Variants in MDFIC2 observed in about 807,000 individuals in gnomAD.
The protein encoded by MDFIC2 is MyoD family inhibitor domain containing 2, also known as myoD family inhibitor domain-containing protein 2.
intron 2 of MDFIC2, among the ~76,000 whole-genome samples, chr3:70,224,832 C>A (rs7650154): frequency 0.16 from 24,180 of 151,988 alleles, 3,146 homozygotes; most frequent in African/African-American, 0.37. Flanking sequence ...TTTCCCCCCC[C>A]ACACCTCACC....
chr3:70,246,974 A>C (rs1233697776), intron 2 of MDFIC2, among the ~76,000 whole-genome samples: 1 of 152,072 alleles, frequency 6.6e-6, no homozygotes, highest in African/African-American at 2.4e-5. Context: ...TGAACAATAC[A>C]AGGCTCAGGG....
At chr3:70,275,736 C>A (rs1426018418) in intron 2 of MDFIC2, among the ~76,000 whole-genome samples, 1 of 152,028 alleles carries the variant, frequency 6.6e-6, no homozygotes, top group East Asian at 1.9e-4. Flanking sequence ...TTGTGAAGTA[C>A]AATTAAATAA....
intron 3 of MDFIC2, 136 bp from the exon 4 acceptor site, chr3:70,197,321 T>G (rs556181850): frequency 2.5e-6 from 1 of 396,842 alleles, no homozygotes; most frequent in East Asian, 3.6e-5. Flanking sequence ...ATGTACACCC[T>G]TCTTCTCTCA....
chr3:70,201,010 C>A (rs77929944), intron 3 of MDFIC2, among the ~76,000 whole-genome samples: 2,642 of 151,918 alleles, frequency 0.017, 56 homozygotes, highest in African/African-American at 0.047. Context: ...ATATTTAGAA[C>A]CTTTGTTTTG....
chr3:70,303,129 C>T lies in MDFIC2; in HGVS notation c.88+8757G>A, dbSNP rs144578597. Among the ~76,000 whole-genome samples, 721 of 152,266 alleles carry T rather than the reference C, an allele frequency of 4.7e-3. 3 individuals are homozygous for T. Among genetic ancestry groups the T allele is most frequent in the Middle Eastern group, 0.01 (3 of 294 alleles). On this transcript the variant is annotated intron_variant, in intron 2 of 3. Transcript: ENST00000567252. ...AGTGCTTCATCAACAGCACATATCA[C>T]GTAAGAAAATATTATTCCTTGTGGA...
intron 2 of MDFIC2, among the ~76,000 whole-genome samples, chr3:70,245,404 A>T (rs1270885187): frequency 6.6e-6 from 1 of 151,804 alleles, no homozygotes; most frequent in East Asian, 1.9e-4. Context: ...GTATAGATTT[A>T]AAAAGTACAT....
At chr3:70,244,902 T>C (rs1359497413) in intron 2 of MDFIC2, among the ~76,000 whole-genome samples, 1 of 152,166 alleles carries the variant, frequency 6.6e-6, no homozygotes, top group African/African-American at 2.4e-5. Context: ...AGGAAATTCA[T>C]TCATAAATAG....
intron 2 of MDFIC2, among the ~76,000 whole-genome samples, chr3:70,301,000 A>T (rs55857676): frequency 0.21 from 31,268 of 151,950 alleles, 3,398 homozygotes; most frequent in South Asian, 0.28. Context: ...CCCTTGGAAA[A>T]GTGAACTCCT....
At chr3:70,309,096 T>A (rs983431425) in intron 2 of MDFIC2, among the ~76,000 whole-genome samples, 2 of 152,024 alleles carry the variant, frequency 1.3e-5, no homozygotes, top group African/African-American at 4.8e-5. Context: ...AGGTTGGAGG[T>A]CGACACATTT....
At chr3:70,267,284 G>A (rs1211955178) in intron 2 of MDFIC2, among the ~76,000 whole-genome samples, 1 of 151,560 alleles carries the variant, frequency 6.6e-6, no homozygotes, top group Admixed American at 6.6e-5. Flanking sequence ...ATATTGTGAA[G>A]GTATTTCTAC....
At chr3:70,267,606 C>T (rs1316179476) in intron 2 of MDFIC2, among the ~76,000 whole-genome samples, 1 of 126,424 alleles carries the variant, frequency 7.9e-6, no homozygotes, top group African/African-American at 3.1e-5. Context: ...TTAGTAAAGA[C>T]GGGGTTTCAC....
intron 2 of MDFIC2, among the ~76,000 whole-genome samples, chr3:70,305,314 C>G (rs1702388524): frequency 6.6e-6 from 1 of 152,020 alleles, no homozygotes; most frequent in Non-Finnish European, 1.5e-5. Context: ...AGGTAACGCA[C>G]TTTCATGAGT....
chr3:70,266,195 T>G (rs1701915831), intron 2 of MDFIC2, among the ~76,000 whole-genome samples: 1 of 152,190 alleles, frequency 6.6e-6, no homozygotes, highest in African/African-American at 2.4e-5. Flanking sequence ...ACATTTATGT[T>G]TTTTTATTGA....
At chr3:70,242,050 A>G (rs2106642229) in intron 2 of MDFIC2, among the ~76,000 whole-genome samples, 1 of 152,292 alleles carries the variant, frequency 6.6e-6, no homozygotes, top group African/African-American at 2.4e-5. Context: ...GATGCCAGAA[A>G]GACTAGAGAC....
At chr3:70,232,919 G>A (rs906486404) in intron 2 of MDFIC2, among the ~76,000 whole-genome samples, 2 of 152,032 alleles carry the variant, frequency 1.3e-5, no homozygotes, top group African/African-American at 4.8e-5. Flanking sequence ...CTAGGCGTGG[G>A]GGTTCACACC....
chr3:70,267,209 C>G (rs1486868273), intron 2 of MDFIC2, among the ~76,000 whole-genome samples: 1 of 151,940 alleles, frequency 6.6e-6, no homozygotes, highest in African/African-American at 2.4e-5. Context: ...ATGTTTTAGA[C>G]AGTAAAAGAA....
intron 2 of MDFIC2, among the ~76,000 whole-genome samples, chr3:70,289,139 A>C (rs1328253440): frequency 1.4e-5 from 2 of 146,934 alleles, no homozygotes; most frequent in Non-Finnish European, 3.0e-5. Flanking sequence ...TAGTTGATGC[A>C]GTTTCTTCCT....
intron 2 of MDFIC2, among the ~76,000 whole-genome samples, chr3:70,256,152 C>T (rs192873774): frequency 9.9e-5 from 15 of 152,254 alleles, no homozygotes; most frequent in Non-Finnish European, 1.5e-4. Flanking sequence ...CCCATGGTTA[C>T]GAATGACTCT....
At chr3:70,283,131 C>G (rs565446477) in intron 2 of MDFIC2, among the ~76,000 whole-genome samples, 1 of 152,232 alleles carries the variant, frequency 6.6e-6, no homozygotes, top group African/African-American at 2.4e-5. Context: ...ATGCATTTAT[C>G]TTGACATCAA....
Sources: allele counts gnomAD v4.1 joint callset (sites outside exome capture counted in the v4.1 genomes callset), GRCh38; gene constraint gnomAD v4.1.1; transcripts MANE v1.5; gene names NCBI Gene and HGNC (gene_info 2026-07-23, HGNC 2026-07-21).